The following TMEM132D variants were observed in gnomAD, a reference collection of about 807,000 sequenced individuals.
TMEM132D encodes transmembrane protein 132D, also known as mature OL transmembrane protein.
A neutral mutation model predicts 62.3 loss-of-function variants in TMEM132D; 21 were observed. The ratio of observed to expected loss-of-function variants is 0.34; its 90% CI spans 0.24 to 0.49. TMEM132D has a LOEUF of 0.49. Among genes scored for constraint, TMEM132D ranks in the 20% least tolerant of loss-of-function variants. The pLI, the probability that TMEM132D is intolerant of heterozygous loss-of-function variation, is 0.99. For synonymous variants in TMEM132D, 621 were observed against 575.6 expected (o/e 1.08, Z -1.13); for missense variants, 1,346 against 1,402.8 (o/e 0.96, Z 0.65).
At chr12:129,807,155 C>T (rs11060565) in intron 1 of TMEM132D, among the ~76,000 whole-genome samples, 105,280 of 152,174 alleles carry the variant, frequency 0.69, 39,120 homozygotes, top group Non-Finnish European at 0.82. Context: ...GATGGGACAA[C>T]GTGACCACAG....
rs960131779 is a variant in TMEM132D, at chr12:129,451,845, T to G, written c.1115+79214A>C. Among the ~76,000 whole-genome samples the G allele has an allele frequency of 1.6e-4, 24 of 152,284 alleles. 1 individual carries two copies. Among genetic ancestry groups the G allele is most frequent in the African/African-American group, 5.5e-4 (23 of 41,548 alleles). On this transcript the variant is annotated intron_variant, in intron 3 of 8. Transcript: ENST00000422113. ...CTAGAAAATTCCACCTGCACTTGAT[T>G]GGCAAGAACTGGGTCACACGGCTAT...
intron 2 of TMEM132D, among the ~76,000 whole-genome samples, chr12:129,668,317 C>T (rs1022249740): frequency 6.7e-6 from 1 of 150,078 alleles, no homozygotes; most frequent in African/African-American, 2.4e-5. Context: ...TATAATTGTT[C>T]TGTAAAATTG....
intron 2 of TMEM132D, among the ~76,000 whole-genome samples, chr12:129,607,096 T>C (rs1029379593): frequency 1.3e-5 from 2 of 151,686 alleles, no homozygotes; most frequent in African/African-American, 4.8e-5. Flanking sequence ...ATAGTCACTC[T>C]GCAATTGGGG....
intron 2 of TMEM132D, among the ~76,000 whole-genome samples, chr12:129,598,172 T>C (rs1286787030): frequency 1.3e-5 from 2 of 152,196 alleles, no homozygotes; most frequent in African/African-American, 4.8e-5. Flanking sequence ...TCTTATAAAA[T>C]TCAGAAGTGT....
intron 1 of TMEM132D, among the ~76,000 whole-genome samples, chr12:129,898,926 T>G (rs1875239705): frequency 6.6e-6 from 1 of 152,198 alleles, no homozygotes; most frequent in Non-Finnish European, 1.5e-5. Flanking sequence ...GGTCTGAGCT[T>G]ACAACTTAAA....
At chr12:129,116,352 G>A (rs1391922067) in intron 5 of TMEM132D, among the ~76,000 whole-genome samples, 1 of 152,172 alleles carries the variant, frequency 6.6e-6, no homozygotes, top group Non-Finnish European at 1.5e-5. Flanking sequence ...ATTTATTAGA[G>A]AGAAAGGCAC....
At chr12:129,572,506 T>C (rs537202362) in intron 2 of TMEM132D, among the ~76,000 whole-genome samples, 1 of 152,194 alleles carries the variant, frequency 6.6e-6, no homozygotes, top group Non-Finnish European at 1.5e-5. Context: ...TGGAGTGCAG[T>C]GGCACAATCT....
chr12:129,608,290 T>C (rs994115618), intron 2 of TMEM132D, among the ~76,000 whole-genome samples: 2 of 152,194 alleles, frequency 1.3e-5, no homozygotes, highest in Admixed American at 6.5e-5. Flanking sequence ...GGGAGTGAGC[T>C]GTGATGCCCA....
intron 4 of TMEM132D, chr12:129,211,073 C>G (rs1879031773): frequency 6.6e-6 from 1 of 152,196 alleles, no homozygotes; most frequent in Non-Finnish European, 1.5e-5. Flanking sequence ...TTCTTCTCTG[C>G]AGAGATTGCA....
intron 1 of TMEM132D, among the ~76,000 whole-genome samples, chr12:129,739,079 C>T (rs998861194): frequency 3.9e-5 from 6 of 152,132 alleles, no homozygotes; most frequent in African/African-American, 7.2e-5. Context: ...AGCCCAAGGG[C>T]AGTGTTTTTG....
rs751315367 is a variant in TMEM132D, at chr12:129,081,920, C to T, written c.1762G>A (p.Ala588Thr). Residue 588 changes from alanine (A) to threonine (T), a missense_variant, in exon 7 of 9, where the codon GCC becomes ACC. Coordinates refer to ENST00000422113, the MANE Select transcript of TMEM132D (RefSeq NM_133448.3). Reference sequence around the variant, plus strand: ...TGGGCCAGGTGTCCCCCAGGGCCGGCCGCCTCAGCCACAAACTGCGTCAGG... The same window carrying T: ...TGGGCCAGGTGTCCCCCAGGGCCGGTCGCCTCAGCCACAAACTGCGTCAGG... ...RVLTQFVAEA[A>T]GPGGHLAHLL... The T allele has an allele frequency of 6.2e-7, 1 of 1,614,068 alleles. No individual in the cohort carries two copies. The highest frequency in any genetic ancestry group is 2.2e-5 in the East Asian group (1 of 44,862).
intron 3 of TMEM132D, among the ~76,000 whole-genome samples, chr12:129,341,227 G>T (rs1411040930): frequency 1.3e-5 from 2 of 152,190 alleles, no homozygotes; most frequent in African/African-American, 2.4e-5. Context: ...TCCTGAAAAT[G>T]GTGGTCATAT....
chr12:129,579,791 T>A (rs1041193815), intron 2 of TMEM132D, among the ~76,000 whole-genome samples: 1 of 152,110 alleles, frequency 6.6e-6, no homozygotes, highest in Non-Finnish European at 1.5e-5. Flanking sequence ...TCTGGCAACA[T>A]CCAGAAACAC....
chr12:129,488,353 T>G (rs2137058385), intron 3 of TMEM132D, among the ~76,000 whole-genome samples: 1 of 152,250 alleles, frequency 6.6e-6, no homozygotes, highest in South Asian at 2.1e-4. Context: ...ATCACTAAAC[T>G]ATATGATGTT....
chr12:129,524,234 TAAAAAATA>T (rs755409411), intron 3 of TMEM132D, among the ~76,000 whole-genome samples: 14 of 147,936 alleles, frequency 9.5e-5, no homozygotes, highest in Non-Finnish European at 1.6e-4. Flanking sequence ...AGTATAATAA[TAAAAAATA>T]AAAAAATAAA....
chr12:129,724,217 C>T (rs1305052219), intron 1 of TMEM132D, among the ~76,000 whole-genome samples: 5 of 152,168 alleles, frequency 3.3e-5, no homozygotes, highest in African/African-American at 1.2e-4. Flanking sequence ...CTTGAGCAAG[C>T]AACACTGCTC....
intron 4 of TMEM132D, among the ~76,000 whole-genome samples, chr12:129,248,226 C>G (rs181008509): frequency 6.6e-6 from 1 of 152,100 alleles, no homozygotes; most frequent in Admixed American, 6.5e-5. Context: ...ATGCTGAAAC[C>G]GTGTCATAGG....
intron 2 of TMEM132D, among the ~76,000 whole-genome samples, chr12:129,603,869 CAT>C: frequency 6.6e-6 from 1 of 152,268 alleles, no homozygotes; most frequent in East Asian, 1.9e-4. Flanking sequence ...CACATGCACA[CAT>C]ATATTTACTG....
intron 6 of TMEM132D, among the ~76,000 whole-genome samples, chr12:129,082,872 G>A (rs748268689): frequency 2.0e-5 from 3 of 152,090 alleles, no homozygotes; most frequent in Non-Finnish European, 2.9e-5. Flanking sequence ...TTGGACTACT[G>A]TGCAAGCCAC....
Sources: gnomAD v4.1 joint callset for allele counts (sites outside exome capture counted in the v4.1 genomes callset) on GRCh38, gnomAD v4.1.1 for gene constraint, MANE v1.5 for transcripts, NCBI Gene and HGNC (gene_info 2026-07-23, HGNC 2026-07-21) for gene names.